FRMPD4: variants seen among roughly 807,000 people sequenced by gnomAD.
The protein encoded by FRMPD4 is FERM and PDZ domain-containing protein 4.
FRMPD4 carries 22 observed loss-of-function variants against 94.1 expected under a neutral mutation model. The observed-to-expected ratio is 0.23, with a 90% CI of 0.17 to 0.33. The LOEUF (loss-of-function observed/expected upper bound fraction) is 0.33, where lower values mean the gene tolerates loss of function less well. FRMPD4 is among the 10% of genes least tolerant of loss of function. The pLI, the probability that FRMPD4 is intolerant of heterozygous loss-of-function variation, is 1.00. For missense variants in FRMPD4, 1,111 were observed against 1,339.9 expected (o/e 0.83, Z 2.67); for synonymous variants, 631 against 548.6 (o/e 1.15, Z -2.10).
chrX:11,898,302 G>A (rs190836028), intron 3 of FRMPD4, among the ~76,000 whole-genome samples: 1 of 111,840 alleles, frequency 8.9e-6, no homozygotes, highest in Non-Finnish European at 1.9e-5. Context: ...ATGGACAGGG[G>A]TGGAAGTGAG....
At chrX:12,332,259 T>C (rs1455778100) in intron 1 of FRMPD4, among the ~76,000 whole-genome samples, 7 of 89,406 alleles carry the variant, frequency 7.8e-5, no homozygotes, top group African/African-American at 2.5e-4. Context: ...GGCCATGGAC[T>C]GAAGGTAATA....
intron 1 of FRMPD4, among the ~76,000 whole-genome samples, chrX:12,322,326 A>C (rs1271910046): frequency 9.0e-6 from 1 of 111,520 alleles, no homozygotes; most frequent in Admixed American, 9.6e-5. Flanking sequence ...ATTATCTCCC[A>C]ACAAGGAAAT....
At chrX:11,858,206 A>G (rs550663185) in intron 1 of FRMPD4, among the ~76,000 whole-genome samples, 181 of 111,811 alleles carry the variant, frequency 1.6e-3, no homozygotes, top group African/African-American at 5.5e-3. Context: ...TACTGGATAT[A>G]TACCCAAAAG....
At chrX:12,690,997 A>G (rs56254922) in intron 8 of FRMPD4, among the ~76,000 whole-genome samples, 9,896 of 111,709 alleles carry the variant, frequency 0.089, 360 homozygotes, top group Middle Eastern at 0.13. Flanking sequence ...AACTTTATGG[A>G]AAGGGGTAGG....
At chrX:11,943,167 G>A (rs771789964) in intron 3 of FRMPD4, among the ~76,000 whole-genome samples, 4 of 111,233 alleles carry the variant, frequency 3.6e-5, no homozygotes, top group South Asian at 3.8e-4. Context: ...ATAGATGAGA[G>A]CCTAGAATTT....
intron 3 of FRMPD4, among the ~76,000 whole-genome samples, chrX:12,075,873 A>G (rs2055009305): frequency 8.9e-6 from 1 of 112,130 alleles, no homozygotes; most frequent in East Asian, 2.8e-4. Flanking sequence ...TCACTTCACA[A>G]GTCCTCTCCT....
At chrX:12,152,763 G>A (rs768604437) in intron 1 of FRMPD4, among the ~76,000 whole-genome samples, 31 of 110,262 alleles carry the variant, frequency 2.8e-4, no homozygotes, top group Middle Eastern at 4.7e-3. Context: ...CTGGAAGATC[G>A]TATCATTATA....
chrX:12,075,871 C>T (rs953723242), intron 3 of FRMPD4, among the ~76,000 whole-genome samples: 3 of 112,212 alleles, frequency 2.7e-5, no homozygotes, highest in Non-Finnish European at 5.6e-5. Context: ...TCTCACTTCA[C>T]AAGTCCTCTC....
At chrX:12,551,426 G>A (rs6530537) in intron 2 of FRMPD4, among the ~76,000 whole-genome samples, 23,261 of 109,710 alleles carry the variant, frequency 0.21, 1,838 homozygotes, top group South Asian at 0.35. Flanking sequence ...TTAATACTAC[G>A]AAATTTCCTG....
intron 3 of FRMPD4, among the ~76,000 whole-genome samples, chrX:12,009,750 G>A (rs1023481927): frequency 8.9e-5 from 10 of 112,134 alleles, no homozygotes; most frequent in African/African-American, 2.3e-4. Flanking sequence ...GACAAACAGA[G>A]AAGGGAGAAT....
intron 5 of FRMPD4, among the ~76,000 whole-genome samples, chrX:12,678,380 C>T (rs946782107): frequency 8.9e-6 from 1 of 112,398 alleles, no homozygotes; most frequent in Non-Finnish European, 1.9e-5. Context: ...TTGTTTGGCT[C>T]CGATATACCG....
At chrX:12,713,481 G>GGAGAGAGA (rs9331478) in intron 14 of FRMPD4, among the ~76,000 whole-genome samples, 1 of 105,182 alleles carries the variant, frequency 9.5e-6, no homozygotes, top group Admixed American at 1.0e-4. Flanking sequence ...GGAGGTAGGT[G>GGAGAGAGA]GAGAGAGAGA....
intron 1 of FRMPD4, among the ~76,000 whole-genome samples, chrX:12,288,136 A>G (rs1389809613): frequency 8.9e-6 from 1 of 112,015 alleles, no homozygotes; most frequent in Non-Finnish European, 1.9e-5. Flanking sequence ...ATTGGCTACC[A>G]TGAAGTCACA....
intron 3 of FRMPD4, among the ~76,000 whole-genome samples, chrX:11,904,184 T>C (rs1175093361): frequency 1.8e-5 from 2 of 112,269 alleles, no homozygotes; most frequent in Admixed American, 1.9e-4. Flanking sequence ...TTATCCCCTC[T>C]GTCTCTTTCA....
intron 14 of FRMPD4, among the ~76,000 whole-genome samples, chrX:12,712,866 A>G (rs1338253039): frequency 9.0e-6 from 1 of 110,965 alleles, no homozygotes; most frequent in Non-Finnish European, 1.9e-5. Flanking sequence ...ACTTGAATCC[A>G]GGAGCTTGAG....
At chrX:12,160,202 A>G (rs1229356560) in intron 1 of FRMPD4, among the ~76,000 whole-genome samples, 1 of 111,011 alleles carries the variant, frequency 9.0e-6, no homozygotes, top group African/African-American at 3.3e-5. Flanking sequence ...TTCATAAGCA[A>G]ACACAAACTT....
intron 4 of FRMPD4, among the ~76,000 whole-genome samples, chrX:12,615,086 ACT>A (rs2148425733): frequency 8.9e-6 from 1 of 111,917 alleles, no homozygotes; most frequent in Admixed American, 9.4e-5. Flanking sequence ...CTAATTGTCC[ACT>A]CTCTGTTAAC....
intron 2 of FRMPD4, among the ~76,000 whole-genome samples, chrX:12,542,820 G>A (rs367749482): frequency 1.4e-4 from 16 of 111,489 alleles, no homozygotes; most frequent in Admixed American, 4.8e-4. Flanking sequence ...GAGGCATCAC[G>A]CTACCTGACT....
intron 1 of FRMPD4, among the ~76,000 whole-genome samples, chrX:12,485,211 G>A (rs752270691): frequency 8.9e-6 from 1 of 112,591 alleles, no homozygotes; most frequent in East Asian, 2.8e-4. Context: ...CTAACAGGAT[G>A]TGTAATATTT....
Sources: gnomAD v4.1 joint callset for allele counts (sites outside exome capture counted in the v4.1 genomes callset) on GRCh38, gnomAD v4.1.1 for gene constraint, MANE v1.5 for transcripts, NCBI Gene and HGNC (gene_info 2026-07-23, HGNC 2026-07-21) for gene names.